The following CCDC88C variants were observed in gnomAD, a reference collection of about 807,000 sequenced individuals.
CCDC88C encodes coiled-coil and HOOK domain protein 88C.
CCDC88C carries 131 observed loss-of-function variants against 198.8 expected under a neutral mutation model. The ratio of observed to expected loss-of-function variants is 0.66; its 90% CI spans 0.57 to 0.76. CCDC88C has a LOEUF of 0.76. Ranked by LOEUF, CCDC88C falls within the 30% of genes least tolerant of loss-of-function variation. The pLI is 0.00. For missense variants in CCDC88C, 2,553 were observed against 2,631.6 expected (o/e 0.97, Z 0.65); for synonymous variants, 1,166 against 1,114.7 (o/e 1.05, Z -0.92).
chr14:91,286,016 A>G (rs991131152), intron 25 of CCDC88C, among the ~76,000 whole-genome samples: 1 of 152,248 alleles, frequency 6.6e-6, no homozygotes, highest in Admixed American at 6.5e-5. Flanking sequence ...ATCAGGGCTC[A>G]GTAATCATCT....
Position 91,272,352 on chromosome 14 carries a change from T to C in CCDC88C, c.*273A>G. 1 of 468,124 alleles carries C rather than the reference T, an allele frequency of 2.1e-6. No homozygotes were observed. The highest frequency in any genetic ancestry group is 2.7e-5 in the South Asian group (1 of 37,226). 29.0% of individuals were successfully genotyped at this position (468,124 alleles called of 1,614,324 possible). On this transcript the variant is annotated 3_prime_UTR_variant, in exon 30 of 30. Transcript: ENST00000389857. ...GGGAAGTCAGTTTGTCATTGCATCC[T>C]AATTGGTCCCCATGCTGACGTGGAT...
chr14:91,389,425 T>G (rs1885351318), intron 3 of CCDC88C, among the ~76,000 whole-genome samples: 1 of 152,208 alleles, frequency 6.6e-6, no homozygotes, highest in Admixed American at 6.5e-5. Context: ...TAGAAAGGGA[T>G]GCTTCCGTGT....
At chr14:91,386,998 T>G (rs538556209) in intron 3 of CCDC88C, among the ~76,000 whole-genome samples, 1 of 152,238 alleles carries the variant, frequency 6.6e-6, no homozygotes, top group African/African-American at 2.4e-5. Context: ...ATTTTAAATA[T>G]ACTAACTTAT....
intron 3 of CCDC88C, among the ~76,000 whole-genome samples, chr14:91,368,968 C>T (rs1487583975): frequency 6.6e-6 from 1 of 152,212 alleles, no homozygotes; most frequent in African/African-American, 2.4e-5. Context: ...CTCCTTTCTC[C>T]TCCTTCCTCC....
intron 13 of CCDC88C, among the ~76,000 whole-genome samples, chr14:91,316,778 CCT>C (rs1892117815): frequency 6.6e-6 from 1 of 152,198 alleles, no homozygotes; most frequent in Admixed American, 6.5e-5. Flanking sequence ...CCTACCTACC[CCT>C]GATGGACCCC....
chr14:91,380,756 T>C (rs955683881), intron 3 of CCDC88C, among the ~76,000 whole-genome samples: 2 of 151,758 alleles, frequency 1.3e-5, no homozygotes, highest in Admixed American at 1.3e-4. Flanking sequence ...AGCCCAGAAG[T>C]AGGAGACAGA....
rs147570702 is a variant in CCDC88C, at chr14:91,339,175, C to G, written c.809+103G>C. ...AGACCCCAGCTGACTCCGGGGCACA[C>G]GTCAGAGCTGTGCCATTGGCAGCAC... On this transcript the variant is annotated intron_variant, in intron 8 of 29. Transcript: ENST00000389857. This position sits in a 1 kb window ranked among gnomAD's most constrained non-coding sequence, Gnocchi z 5.8. The G allele has an allele frequency of 1.4e-6, 2 of 1,384,790 alleles. No individual in the cohort carries two copies. Among genetic ancestry groups the G allele is most frequent in the Non-Finnish European group, 2.0e-6 (2 of 995,880 alleles). The allele number at this position is 1,384,790 out of a possible 1,614,324, so 85.8% of individuals were successfully genotyped here.
rs1894771554 is a variant in CCDC88C at position 91,371,022 on chromosome 14, CAGA to C, written c.271-11314_271-11312del. The stretch of plus-strand genomic sequence containing the variant: ...CCTGAGGTGTGTGTTTGGGGTGAGG[CAGA>C]AGGACTTCAAGGATTAGGCTAAGGA... On this transcript the variant is annotated intron_variant, in intron 3 of 29. Transcript: ENST00000389857. This position sits in a 1 kb window ranked among gnomAD's most constrained non-coding sequence, Gnocchi z 4.2. 6.6e-6 allele frequency among the ~76,000 whole-genome samples: 1 copy of C among 152,130 alleles called. No individual in the cohort carries two copies. Among genetic ancestry groups the C allele is most frequent in the South Asian group, 2.1e-4 (1 of 4,824 alleles).
At chr14:91,350,027 A>G (rs1893716119) in intron 4 of CCDC88C, among the ~76,000 whole-genome samples, 1 of 152,050 alleles carries the variant, frequency 6.6e-6, no homozygotes, top group African/African-American at 2.4e-5. Context: ...ACAGCCCTCC[A>G]CAGACTACCA....
Position 91,288,521 on chromosome 14 carries a change from C to T in CCDC88C, c.4441+584G>A, listed in dbSNP as rs535704219. 1.8e-4 allele frequency among the ~76,000 whole-genome samples: 27 copies of T among 152,202 alleles called. No individual in the cohort carries two copies. The highest frequency in any genetic ancestry group is 3.4e-4 in the Non-Finnish European group (23 of 68,034). ...CGAGGCAGCCCAAAATAAGCTATGT[C>T]GCTTGTCTCTATGGTACCTGCACGA... On this transcript the variant is annotated intron_variant, in intron 25 of 29. Transcript: ENST00000389857. The surrounding 1 kb of genome is among the most constrained non-coding windows in gnomAD (Gnocchi z 4.2).
chr14:91,383,248 G>A (rs1019136181), intron 3 of CCDC88C, among the ~76,000 whole-genome samples: 2 of 152,236 alleles, frequency 1.3e-5, no homozygotes, highest in Non-Finnish European at 2.9e-5. Flanking sequence ...GGAGTGCCCA[G>A]GGCAATCCGT....
In CCDC88C at chr14:91,283,361, G is replaced by A. The variant is rs763495585; in HGVS notation, c.4598C>T (p.Thr1533Ile). The change falls in exon 26 of 30, where the codon ACC becomes ATC. Residue 1533 changes from threonine (T) to isoleucine (I), a missense_variant. Physicochemically the swap from Thr to Ile is moderately conservative, Grantham distance 89 (BLOSUM62 -1). Around this residue, in one of 2 missense-constraint regions of CCDC88C, gnomAD observed 1,293 missense variants for 1,219.6 expected, o/e 1.06. Transcript: ENST00000389857. ...GCGGCCTGGGTGCCGGGCGATGGGG[G>A]TGGAGTTGGAAGGGGCTGTAGTGGT... ...SATTTAPSNS[T>I]PIARHPGRTK... The A allele has an allele frequency of 2.0e-5, 33 of 1,613,712 alleles. No individual in the cohort carries two copies. Among genetic ancestry groups the A allele is most frequent in the Non-Finnish European group, 2.7e-5 (32 of 1,179,886 alleles).
In CCDC88C at chr14:91,313,759, T is replaced by C; in HGVS notation, c.2057A>G (p.Gln686Arg). ...GCCCTCAAGCTGCAGGGACACGTTC[T>C]GCAAGGTGTCCAGAGACTTCCTCAG... is the stretch of plus-strand genomic sequence containing the variant. Reference protein sequence around the residue: ...RTLRKSLDTLQNVSLQLEGLE... With the variant: ...RTLRKSLDTLRNVSLQLEGLE... Residue 686 changes from glutamine (Q) to arginine (R), a missense_variant, in exon 15 of 30, where the codon CAG becomes CGG. Gln to Arg is a conservative substitution (Grantham distance 43). Coordinates refer to ENST00000389857, the MANE Select transcript of CCDC88C (RefSeq NM_001080414.4). The surrounding 1 kb of genome is among the most constrained non-coding windows in gnomAD (Gnocchi z 5.2). The C allele has an allele frequency of 6.2e-7, 1 of 1,608,166 alleles. No individual in the cohort carries two copies. The highest frequency in any genetic ancestry group is 8.5e-7 in the Non-Finnish European group (1 of 1,179,730).
intron 4 of CCDC88C, among the ~76,000 whole-genome samples, chr14:91,347,095 G>A (rs1222414142): frequency 1.3e-5 from 2 of 152,060 alleles, no homozygotes; most frequent in Admixed American, 1.3e-4. Context: ...AGCCGTCACT[G>A]GCTTGTCTTC....
At chr14:91,359,180 T>TTTC (rs1894185339) in intron 4 of CCDC88C, among the ~76,000 whole-genome samples, 1 of 149,678 alleles carries the variant, frequency 6.7e-6, no homozygotes, top group South Asian at 2.1e-4. Context: ...TTTTTTTTTT[T>TTTC]TTGAGACACA....
At chr14:91,307,280 A>G in intron 17 of CCDC88C, 54 bp from the exon 18 acceptor site, 2 of 1,562,676 alleles carry the variant, frequency 1.3e-6, no homozygotes, top group Non-Finnish European at 8.7e-7. Flanking sequence ...CCTGGCCTGG[A>G]GCCCCGAGTG....
chr14:91,346,459 G>T (rs1422394435), intron 4 of CCDC88C, among the ~76,000 whole-genome samples: 1 of 151,102 alleles, frequency 6.6e-6, no homozygotes, highest in Non-Finnish European at 1.5e-5. Context: ...ATTTGAAATG[G>T]AAAAATTCTC....
At chr14:91,408,427 T>C (rs1292302636) in intron 3 of CCDC88C, 4 of 482,968 alleles carry the variant, frequency 8.3e-6, no homozygotes, top group African/African-American at 5.9e-5. Context: ...TCACAGCATA[T>C]AGCACGATGC....
chr14:91,340,515 CATTCCCACGGGCCA>C, intron 6 of CCDC88C, among the ~76,000 whole-genome samples: 2 of 152,310 alleles, frequency 1.3e-5, no homozygotes, highest in African/African-American at 4.8e-5. Context: ...GGGTGCATCT[CATTCCCACGGGCCA>C]CAGAAGACAG....
Sources: allele counts gnomAD v4.1 joint callset (sites outside exome capture counted in the v4.1 genomes callset), GRCh38; gene constraint gnomAD v4.1.1; regional missense constraint gnomAD v4.1.1; non-coding constraint Gnocchi (gnomAD v3.1); transcripts MANE v1.5; gene names NCBI Gene and HGNC (gene_info 2026-07-23, HGNC 2026-07-21).